Variants in ANKRD62 observed in about 807,000 individuals in gnomAD.
The protein encoded by ANKRD62 is ankyrin repeat domain-containing protein 62.
In ANKRD62, 61 loss-of-function variants were observed where a neutral mutation model predicts 98.8. That is an observed-to-expected ratio of 0.62 (90% confidence interval 0.50 to 0.76). The LOEUF (loss-of-function observed/expected upper bound fraction) is 0.76. Among genes scored for constraint, ANKRD62 ranks in the 30% least tolerant of loss-of-function variants. The pLI, the probability that ANKRD62 is intolerant of heterozygous loss-of-function variation, is 0.00. For missense variants in ANKRD62, 933 were observed against 1,082.9 expected (o/e 0.86, Z 1.94); for synonymous variants, 341 against 367.9 (o/e 0.93, Z 0.84).
chr18:12,170,938 GA>G, the ANKRD62 span, among the ~76,000 whole-genome samples: 1,018 of 146,734 alleles, frequency 6.9e-3, 17 homozygotes, highest in Admixed American at 0.047. Context: ...TTTTATCAGA[GA>G]CTAGGATTGC....
the ANKRD62 span, among the ~76,000 whole-genome samples, chr18:12,135,798 T>G: frequency 2.0e-4 from 30 of 151,736 alleles, no homozygotes; most frequent in South Asian, 1.7e-3. Flanking sequence ...GGCCAGTGAT[T>G]ATGAGCATTT....
chr18:12,095,350 T>G, intron 2 of ANKRD62, 65 bp downstream of exon 2: 5 of 1,529,664 alleles, frequency 3.3e-6, no homozygotes, highest in Non-Finnish European at 4.4e-6. Context: ...ATAAAATTAA[T>G]TCACCTCATT....
At chr18:12,123,487 A>G (rs1364023878) in intron 11 of ANKRD62, among the ~76,000 whole-genome samples, 2 of 152,226 alleles carry the variant, frequency 1.3e-5, no homozygotes, top group African/African-American at 4.8e-5. Context: ...ATTGTTCTTT[A>G]TTGTTTAAAT....
Position 12,095,198 on chromosome 18 carries a change from T to C in ANKRD62, c.246T>C (p.His82=). The C allele has an allele frequency of 6.5e-7, 1 of 1,536,758 alleles. No homozygotes were observed. The stretch of plus-strand genomic sequence containing the variant: ...CTGCTCTACTTTTGGCGTGTGCCCA[T>C]GGCCGTCCAGGAGTGGTAGCTGACC... ...NRTALLLACA[H]GRPGVVADLV... Residue 82 remains histidine (H), a synonymous_variant, in exon 2 of 14, where the codon CAT becomes CAC. Transcript: ENST00000587848.
chr18:12,140,847 T>C, the ANKRD62 span, among the ~76,000 whole-genome samples: 45 of 152,344 alleles, frequency 3.0e-4, no homozygotes, highest in African/African-American at 1.1e-3. Flanking sequence ...AATCTCAAGC[T>C]GCCTGCTGGG....
In ANKRD62 at chr18:12,095,393, A is replaced by C. The variant is rs762250309; in HGVS notation, c.334-44A>C. 1.4e-4 allele frequency: 209 copies of C among 1,542,382 alleles called. 1 individual carries two copies. The highest frequency in any genetic ancestry group is 1.7e-4 in the Non-Finnish European group (199 of 1,146,474). On this transcript the variant is annotated intron_variant, in intron 2 of 13. Transcript: ENST00000587848. Reference sequence around the variant, plus strand: ...GACTAGTTGGTGAATCCTGTGGAAGATTTCCTAGAATTTACAGTCTATTTC... The same window carrying C: ...GACTAGTTGGTGAATCCTGTGGAAGCTTTCCTAGAATTTACAGTCTATTTC...
chr18:12,171,880 A>T, the ANKRD62 span, among the ~76,000 whole-genome samples: 1 of 152,016 alleles, frequency 6.6e-6, no homozygotes, highest in Non-Finnish European at 1.5e-5. Context: ...TCATTTCATT[A>T]ATTTGATCTT....
chr18:12,107,364 A>G lies in ANKRD62; in HGVS notation c.961A>G (p.Ser321Gly). Residue 321 changes from serine (S) to glycine (G), a missense_variant, in exon 8 of 14, where the codon AGT becomes GGT. Ser to Gly is a moderately conservative substitution (Grantham distance 56). Transcript: ENST00000587848. ...GTCAAGAAACGTACATGCTGATGAC[A>G]GTGACAATTATAATGATGATGTTGA... ...EVSRNVHADD[S>G]DNYNDDVDEL... The G allele has an allele frequency of 6.6e-7, 1 of 1,523,616 alleles. No individual in the cohort carries two copies. Among genetic ancestry groups the G allele is most frequent in the Non-Finnish European group, 8.8e-7 (1 of 1,141,188 alleles). The allele number at this position is 1,523,616 out of a possible 1,614,324, so 94.4% of individuals were successfully genotyped here.
chr18:12,116,016 C>A (rs1429597133), intron 10 of ANKRD62, among the ~76,000 whole-genome samples: 1 of 152,156 alleles, frequency 6.6e-6, no homozygotes. Flanking sequence ...TATACTGCTT[C>A]ATTCCATACC....
chr18:12,181,681 C>T, the ANKRD62 span, among the ~76,000 whole-genome samples: 1 of 152,176 alleles, frequency 6.6e-6, no homozygotes, highest in East Asian at 1.9e-4. Context: ...CTCTGGTCTA[C>T]AGCTCCCAGC....
At chr18:12,115,969 T>C (rs1909655844) in intron 10 of ANKRD62, among the ~76,000 whole-genome samples, 1 of 152,192 alleles carries the variant, frequency 6.6e-6, no homozygotes, top group African/African-American at 2.4e-5. Flanking sequence ...CTGCCACTTG[T>C]CATTGCTATA....
chr18:12,155,767 T>C, the ANKRD62 span, among the ~76,000 whole-genome samples: 1 of 152,262 alleles, frequency 6.6e-6, no homozygotes, highest in East Asian at 1.9e-4. Context: ...AAGCAGAACC[T>C]AGCTGGCCAC....
At chr18:12,102,282 A>G in intron 6 of ANKRD62, 1 of 746,392 alleles carries the variant, frequency 1.3e-6, no homozygotes, top group East Asian at 2.5e-5. Context: ...AGTCCAGTGG[A>G]GAGACGCAAC....
chr18:12,110,386 AG>A (rs1381924821), intron 8 of ANKRD62, among the ~76,000 whole-genome samples: 1 of 152,228 alleles, frequency 6.6e-6, no homozygotes, highest in African/African-American at 2.4e-5. Context: ...TATATAATCT[AG>A]AAATGCTCTA....
chr18:12,138,981 T>C, the ANKRD62 span, among the ~76,000 whole-genome samples: 3 of 152,204 alleles, frequency 2.0e-5, no homozygotes, highest in East Asian at 5.8e-4. Flanking sequence ...CACTGATGGT[T>C]CTTGACTCTT....
chr18:12,160,483 A>G, the ANKRD62 span, among the ~76,000 whole-genome samples: 1 of 152,148 alleles, frequency 6.6e-6, no homozygotes, highest in Non-Finnish European at 1.5e-5. Flanking sequence ...CTGAGGAAGT[A>G]AATCAACAGG....
the ANKRD62 span, among the ~76,000 whole-genome samples, chr18:12,140,417 G>A: frequency 1.3e-5 from 2 of 152,186 alleles, no homozygotes; most frequent in South Asian, 2.1e-4. Flanking sequence ...GAGGAGAAGA[G>A]GCACTCTGAT....
intron 10 of ANKRD62, among the ~76,000 whole-genome samples, chr18:12,121,527 CA>C (rs1940903058): frequency 6.6e-6 from 1 of 152,118 alleles, no homozygotes; most frequent in African/African-American, 2.4e-5. Flanking sequence ...GGGACCTCTG[CA>C]GATCTCCAGG....
At position 12,125,738 on chromosome 18, in the gene ANKRD62, A is replaced by G; in HGVS notation, c.1917A>G (p.Leu639=). The change falls in exon 13 of 14, where the codon CTA becomes CTG. Residue 639 remains leucine, a synonymous_variant. Transcript: ENST00000587848. The part of the protein sequence containing the change: ...MDENTMLNSE[L]QKEKQSMSRL... ...AGAATACAATGCTCAATTCTGAGCT[A>G]CAGAAGGAAAAACAAAGCATGTCAA... 1 of 1,544,896 alleles carries G rather than the reference A, an allele frequency of 6.5e-7. No individual in the cohort carries two copies.
Sources: gnomAD v4.1 joint callset for allele counts (sites outside exome capture counted in the v4.1 genomes callset) on GRCh38, gnomAD v4.1.1 for gene constraint, MANE v1.5 for transcripts, NCBI Gene and HGNC (gene_info 2026-07-23, HGNC 2026-07-21) for gene names.